Variants in COL10A1 observed in about 807,000 individuals in gnomAD.
COL10A1 encodes the protein collagen alpha-1(X) chain.
A neutral mutation model predicts 18.2 loss-of-function variants in COL10A1; 10 were observed. The observed-to-expected ratio is 0.55, with a 90% CI of 0.34 to 0.93. COL10A1 has a LOEUF of 0.93. Among genes scored for constraint, COL10A1 ranks in the 40% least tolerant of loss-of-function variants. COL10A1 has a pLI of 0.02. For missense variants in COL10A1, 897 were observed against 853.5 expected (o/e 1.05, Z -0.64); for synonymous variants, 330 against 316.6 (o/e 1.04, Z -0.45).
At chr6:116,207,464 A>C in the COL10A1 span, among the ~76,000 whole-genome samples, 1 of 151,932 alleles carries the variant, frequency 6.6e-6, no homozygotes, top group Admixed American at 6.6e-5. Flanking sequence ...CTTATTTTTC[A>C]GATTTTTTTT....
At chr6:116,161,191 TGGGGTGG>T (rs1780320525), upstream of COL10A1, among the ~76,000 whole-genome samples, 1 of 83,176 alleles carries the variant, frequency 1.2e-5, no homozygotes, top group Admixed American at 1.9e-4. Flanking sequence ...GGGACTGTTG[TGGGGTGG>T]GGGGAGGGGG....
intron 1 of COL10A1, among the ~76,000 whole-genome samples, chr6:116,139,506 G>C (rs534599043): frequency 3.7e-4 from 56 of 152,182 alleles, no homozygotes; most frequent in Admixed American, 1.2e-3. Flanking sequence ...GTATACTACA[G>C]TGTAATGATA....
chr6:116,179,726 T>A, the COL10A1 span, among the ~76,000 whole-genome samples: 4 of 152,108 alleles, frequency 2.6e-5, no homozygotes, highest in Admixed American at 2.6e-4. Flanking sequence ...TCAATAATTA[T>A]AAGATTCTGG....
chr6:116,194,716 T>G, the COL10A1 span, among the ~76,000 whole-genome samples: 22 of 152,160 alleles, frequency 1.4e-4, no homozygotes, highest in East Asian at 1.6e-3. Context: ...ATTATATTAT[T>G]TAGAGTTTTG....
At chr6:116,144,782 A>G (rs1318510983) in intron 1 of COL10A1, among the ~76,000 whole-genome samples, 1 of 152,150 alleles carries the variant, frequency 6.6e-6, no homozygotes, top group Non-Finnish European at 1.5e-5. Flanking sequence ...AGCCAATGGT[A>G]TTTGTCCCTG....
upstream of COL10A1, among the ~76,000 whole-genome samples, chr6:116,163,440 T>G (rs1446767572): frequency 3.3e-5 from 5 of 152,030 alleles, no homozygotes; most frequent in Non-Finnish European, 7.4e-5. Flanking sequence ...CTGATGATGT[T>G]TCGTATTTCT....
At chr6:116,153,247 A>T (rs1194218562) in intron 1 of COL10A1, among the ~76,000 whole-genome samples, 1 of 152,066 alleles carries the variant, frequency 6.6e-6, no homozygotes, top group African/African-American at 2.4e-5. Context: ...TTTTAGCTCT[A>T]TTTATAAGAT....
the COL10A1 span, among the ~76,000 whole-genome samples, chr6:116,191,757 T>G: frequency 6.6e-6 from 1 of 152,058 alleles, no homozygotes; most frequent in Non-Finnish European, 1.5e-5. Flanking sequence ...ATGAGGTGTT[T>G]CTCCTAATAC....
At chr6:116,139,327 C>T (rs953855817) in intron 1 of COL10A1, among the ~76,000 whole-genome samples, 4 of 152,052 alleles carry the variant, frequency 2.6e-5, no homozygotes, top group African/African-American at 9.7e-5. Context: ...GATGATTAAA[C>T]TCTTGTGTAG....
At chr6:116,197,379 A>T in the COL10A1 span, among the ~76,000 whole-genome samples, 1 of 151,980 alleles carries the variant, frequency 6.6e-6, no homozygotes, top group South Asian at 2.1e-4. Flanking sequence ...TAGGTCTCTG[A>T]TTATCATCTT....
the COL10A1 span, among the ~76,000 whole-genome samples, chr6:116,166,385 G>C: frequency 6.6e-6 from 1 of 152,142 alleles, no homozygotes; most frequent in Non-Finnish European, 1.5e-5. Context: ...TGGATATTCA[G>C]TTCTAATTAA....
chr6:116,177,730 T>C, the COL10A1 span, among the ~76,000 whole-genome samples: 1 of 151,394 alleles, frequency 6.6e-6, no homozygotes, highest in South Asian at 2.1e-4. Context: ...ATAATCTAAG[T>C]AATTAAATAA....
intron 1 of COL10A1, among the ~76,000 whole-genome samples, chr6:116,157,879 A>C (rs2114417321): frequency 6.6e-6 from 1 of 152,340 alleles, no homozygotes; most frequent in East Asian, 1.9e-4. Context: ...TACGTCTTTT[A>C]GGCTAGTAAT....
rs1663815312 is a variant in COL10A1, at chr6:116,157,356, A to G, written c.-16+1258T>C. On this transcript the variant is annotated intron_variant, in intron 1 of 1. Coordinates refer to the COL10A1 transcript ENST00000418500. ...GAACCCTAGACAAGTAACTGTATGG[A>G]CTTCCACCTTATTACAGTCTTTGGC... Among the ~76,000 whole-genome samples, 4 of 152,164 alleles carry G rather than the reference A, an allele frequency of 2.6e-5. No individual in the cohort carries two copies. In the South Asian group the frequency reaches 8.3e-4, roughly 32 times the overall value.
intron 1 of COL10A1, among the ~76,000 whole-genome samples, chr6:116,157,436 A>T (rs186028813): frequency 2.9e-4 from 44 of 152,336 alleles, no homozygotes; most frequent in African/African-American, 9.6e-4. Flanking sequence ...GACAGGTTCA[A>T]AGAGTTGAAA....
At chr6:116,140,868 A>AT (rs946165334) in intron 1 of COL10A1, among the ~76,000 whole-genome samples, 3 of 152,092 alleles carry the variant, frequency 2.0e-5, no homozygotes, top group Admixed American at 6.6e-5. Context: ...GTTTATCAGA[A>AT]TTTTTTTATC....
upstream of COL10A1, among the ~76,000 whole-genome samples, chr6:116,129,521 G>C (rs1221595525): frequency 2.0e-5 from 3 of 152,154 alleles, no homozygotes; most frequent in Non-Finnish European, 4.4e-5. Context: ...TTATATAGAA[G>C]CAAGCTCGGC....
intron 2 of COL10A1, among the ~76,000 whole-genome samples, chr6:116,123,615 C>G (rs1446896982): frequency 2.0e-5 from 3 of 152,190 alleles, no homozygotes; most frequent in Non-Finnish European, 4.4e-5. Flanking sequence ...TATGTAATAA[C>G]TCTTTGAATT....
the COL10A1 span, among the ~76,000 whole-genome samples, chr6:116,200,931 G>A: frequency 6.6e-6 from 1 of 151,868 alleles, no homozygotes; most frequent in Admixed American, 6.6e-5. Context: ...CAACTTACCA[G>A]TGCTTTTTTC....
Sources: allele counts gnomAD v4.1 joint callset (sites outside exome capture counted in the v4.1 genomes callset), GRCh38; gene constraint gnomAD v4.1.1; transcripts MANE v1.5; gene names NCBI Gene and HGNC (gene_info 2026-07-23, HGNC 2026-07-21).